The following RBFOX1 variants were observed in gnomAD, a reference collection of about 807,000 sequenced individuals.
RBFOX1 encodes the protein RNA binding protein fox-1 homolog 1.
In RBFOX1, 8 loss-of-function variants were observed where a neutral mutation model predicts 57.7. The observed-to-expected ratio is 0.14, with a 90% CI of 0.08 to 0.25. RBFOX1 has a LOEUF of 0.25. Among genes scored for constraint, RBFOX1 ranks in the 10% least tolerant of loss-of-function variants. The pLI is 1.00. For missense variants in RBFOX1, 611 were observed against 548.5 expected, an observed-to-expected ratio of 1.11 and a Z score of -1.14; for synonymous variants, 326 against 222.4, an observed-to-expected ratio of 1.47 and a Z score of -4.15.
chr16:5,780,976 G>T (rs1301497623), intron 3 of RBFOX1, among the ~76,000 whole-genome samples: 1 of 152,180 alleles, frequency 6.6e-6, no homozygotes, highest in Non-Finnish European at 1.5e-5. Flanking sequence ...ACCCTTGCGG[G>T]GTCCCGCTGG....
chr16:7,033,742 C>T (rs956720960), intron 3 of RBFOX1, among the ~76,000 whole-genome samples: 4 of 152,084 alleles, frequency 2.6e-5, no homozygotes, highest in African/African-American at 9.7e-5. Context: ...GCCTGTAATC[C>T]CAGCACTTTG....
chr16:6,229,643 A>G (rs537099854), intron 1 of RBFOX1, among the ~76,000 whole-genome samples: 1 of 152,330 alleles, frequency 6.6e-6, no homozygotes, highest in East Asian at 1.9e-4. Flanking sequence ...TAGTATGCAT[A>G]TAAATTTAAT....
chr16:5,286,013 G>T (rs1461024050), intron 1 of RBFOX1, among the ~76,000 whole-genome samples: 1 of 152,080 alleles, frequency 6.6e-6, no homozygotes, highest in Non-Finnish European at 1.5e-5. Flanking sequence ...CTCGTGATCT[G>T]CCCACATCGG....
At chr16:7,548,644 G>A (rs1343900152) in intron 5 of RBFOX1, among the ~76,000 whole-genome samples, 5 of 152,180 alleles carry the variant, frequency 3.3e-5, no homozygotes, top group Non-Finnish European at 5.9e-5. Flanking sequence ...CGGGGGGGCA[G>A]TCAAACAAGT....
intron 11 of RBFOX1, among the ~76,000 whole-genome samples, chr16:7,641,149 G>A (rs897189189): frequency 1.3e-5 from 2 of 152,162 alleles, no homozygotes; most frequent in African/African-American, 2.4e-5. Flanking sequence ...TAATTCAAGA[G>A]CTGGAGCAAT....
At chr16:5,585,385 A>G (rs925514300) in intron 2 of RBFOX1, among the ~76,000 whole-genome samples, 1 of 152,312 alleles carries the variant, frequency 6.6e-6, no homozygotes, top group South Asian at 2.1e-4. Context: ...TGGCTGAGCC[A>G]TGTTTTATTG....
At chr16:6,502,596 A>G (rs2095969754) in intron 2 of RBFOX1, among the ~76,000 whole-genome samples, 1 of 152,156 alleles carries the variant, frequency 6.6e-6, no homozygotes, top group Non-Finnish European at 1.5e-5. Flanking sequence ...AGAGAGGTCA[A>G]GGAGGGGAGG....
At chr16:6,679,644 G>C (rs764855799) in intron 3 of RBFOX1, among the ~76,000 whole-genome samples, 24 of 152,084 alleles carry the variant, frequency 1.6e-4, no homozygotes, top group Non-Finnish European at 2.8e-4. Context: ...CATCTCCTTT[G>C]CTCAAAACTT....
chr16:5,773,723 A>C (rs1001180391), intron 3 of RBFOX1, among the ~76,000 whole-genome samples: 1 of 152,132 alleles, frequency 6.6e-6, no homozygotes, highest in Admixed American at 6.5e-5. Context: ...TTTGAGACAG[A>C]GTCTCGCTCT....
chr16:7,283,340 G>A (rs748033440), intron 4 of RBFOX1, among the ~76,000 whole-genome samples: 1 of 151,902 alleles, frequency 6.6e-6, no homozygotes, highest in Non-Finnish European at 1.5e-5. Flanking sequence ...CTCCAATCCA[G>A]CATTCCTGAC....
At chr16:7,555,784 T>C (rs892135519) in intron 5 of RBFOX1, among the ~76,000 whole-genome samples, 2 of 152,190 alleles carry the variant, frequency 1.3e-5, no homozygotes, top group African/African-American at 4.8e-5. Context: ...AAATGTCACC[T>C]TCATAAAAGC....
At chr16:5,256,454 T>G (rs1410684994) in intron 1 of RBFOX1, among the ~76,000 whole-genome samples, 1 of 152,162 alleles carries the variant, frequency 6.6e-6, no homozygotes, top group Non-Finnish European at 1.5e-5. Context: ...TCTCCTCTTC[T>G]GGAAAGTGGG....
At chr16:5,770,760 A>G (rs1302383039) in intron 3 of RBFOX1, among the ~76,000 whole-genome samples, 3 of 152,234 alleles carry the variant, frequency 2.0e-5, no homozygotes, top group African/African-American at 7.2e-5. Context: ...CACCTAATGT[A>G]CAATGAACTG....
intron 3 of RBFOX1, among the ~76,000 whole-genome samples, chr16:7,020,582 A>G (rs1182534742): frequency 2.0e-5 from 3 of 152,212 alleles, no homozygotes; most frequent in East Asian, 1.9e-4. Context: ...ATCTAGGTCA[A>G]TATCTGTGTT....
chr16:6,552,900 A>T (rs1049972517), intron 2 of RBFOX1, among the ~76,000 whole-genome samples: 1 of 152,104 alleles, frequency 6.6e-6, no homozygotes, highest in African/African-American at 2.4e-5. Context: ...AACAAAATGT[A>T]TGTTATTAGA....
intron 3 of RBFOX1, among the ~76,000 whole-genome samples, chr16:5,770,497 A>T (rs1453026836): frequency 6.6e-6 from 1 of 152,194 alleles, no homozygotes; most frequent in African/African-American, 2.4e-5. Flanking sequence ...CTTGTTTAGC[A>T]TATAATTAAG....
At chr16:6,393,064 C>T (rs888541889) in intron 2 of RBFOX1, among the ~76,000 whole-genome samples, 3 of 152,214 alleles carry the variant, frequency 2.0e-5, no homozygotes, top group African/African-American at 7.2e-5. Context: ...AAATGGGGCA[C>T]TCTGCCATAC....
intron 4 of RBFOX1, among the ~76,000 whole-genome samples, chr16:7,328,033 G>A (rs1335518117): frequency 6.6e-6 from 1 of 152,084 alleles, no homozygotes; most frequent in East Asian, 1.9e-4. Flanking sequence ...AACTTTGAGA[G>A]GCTACCACTC....
chr16:7,130,005 G>A (rs2069792408), intron 4 of RBFOX1, among the ~76,000 whole-genome samples: 1 of 151,314 alleles, frequency 6.6e-6, no homozygotes, highest in African/African-American at 2.4e-5. Context: ...ATCTATACCT[G>A]GCCTCTAATC....
Sources: gnomAD v4.1 joint callset for allele counts (sites outside exome capture counted in the v4.1 genomes callset) on GRCh38, gnomAD v4.1.1 for gene constraint, MANE v1.5 for transcripts, NCBI Gene and HGNC (gene_info 2026-07-23, HGNC 2026-07-21) for gene names.